Variants in BTBD9 observed in about 807,000 individuals in gnomAD.
BTBD9 encodes BTB domain containing 9.
A neutral mutation model predicts 64.3 loss-of-function variants in BTBD9; 49 were observed. The observed-to-expected ratio is 0.76, with a 90% CI of 0.61 to 0.97. The LOEUF (loss-of-function observed/expected upper bound fraction) is 0.97, where lower values mean the gene tolerates loss of function less well. Among genes scored for constraint, BTBD9 ranks in the 50% least tolerant of loss-of-function variants. The probability of loss-of-function intolerance (pLI) is 0.00; values close to 1 mark genes in which losing one functional copy is unlikely to be tolerated. For missense variants in BTBD9, 598 were observed against 762.1 expected (o/e 0.78, Z 2.53); for synonymous variants, 260 against 274.7 (o/e 0.95, Z 0.53).
At chr6:38,330,063 G>A (rs79397165) in intron 7 of BTBD9, among the ~76,000 whole-genome samples, 2 of 121,916 alleles carry the variant, frequency 1.6e-5, no homozygotes, top group African/African-American at 5.9e-5. Context: ...CTTTTTTTTT[G>A]TTTTATTTTG....
chr6:38,575,194 A>C (rs953163493), intron 6 of BTBD9, among the ~76,000 whole-genome samples: 4 of 152,188 alleles, frequency 2.6e-5, no homozygotes, highest in Non-Finnish European at 4.4e-5. Context: ...AGTCTCAAGG[A>C]ATATATGTAC....
intron 9 of BTBD9, among the ~76,000 whole-genome samples, chr6:38,218,536 T>A (rs1336424782): frequency 6.6e-6 from 1 of 152,226 alleles, no homozygotes; most frequent in East Asian, 1.9e-4. Context: ...TCCCCTGGGA[T>A]TTCTTATCCT....
intron 6 of BTBD9, among the ~76,000 whole-genome samples, chr6:38,366,113 T>C (rs1765175077): frequency 6.6e-6 from 1 of 152,178 alleles, no homozygotes; most frequent in Non-Finnish European, 1.5e-5. Context: ...AACTCAGAAT[T>C]AAAAGAAGAG....
In BTBD9 at chr6:38,288,401, C is replaced by T. The variant is rs1761828406; in HGVS notation, c.1325G>A (p.Arg442Gln). The T allele has an allele frequency of 5.6e-6, 9 of 1,613,932 alleles. No homozygotes were observed. Among genetic ancestry groups the T allele is most frequent in the South Asian group, 1.1e-5 (1 of 91,078 alleles). Reference protein sequence around the residue: ...DCASVIEGVSRSRNALLNGDT... With the variant: ...DCASVIEGVSQSRNALLNGDT... ...CCCATTCAGCAAGGCATTTCGGCTC[C>T]GACTGACTCCTTCAATCACACTGGC... is the stretch of plus-strand genomic sequence containing the variant. Residue 442 changes from arginine (R) to glutamine (Q), a missense_variant, in exon 8 of 11, where the codon CGG becomes CAG. By Grantham distance (43) the Arg-to-Gln change is conservative. Transcript: ENST00000481247.
At chr6:38,299,504 C>G (rs1762302037) in intron 7 of BTBD9, among the ~76,000 whole-genome samples, 1 of 152,232 alleles carries the variant, frequency 6.6e-6, no homozygotes, top group Non-Finnish European at 1.5e-5. Flanking sequence ...TTCTCCACAT[C>G]CTCTCCAGCA....
At chr6:38,277,182 A>G (rs1267192776) in intron 8 of BTBD9, among the ~76,000 whole-genome samples, 3 of 152,234 alleles carry the variant, frequency 2.0e-5, no homozygotes, top group African/African-American at 7.2e-5. Context: ...GACCAGTTAC[A>G]GAAAGCCAGT....
chr6:38,503,634 C>A (rs988538141), intron 6 of BTBD9, among the ~76,000 whole-genome samples: 2 of 152,132 alleles, frequency 1.3e-5, no homozygotes, highest in Non-Finnish European at 2.9e-5. Flanking sequence ...TCTAGCTCCA[C>A]CCACACCAGT....
rs193271269 is a variant in BTBD9 at position 38,343,507 on chromosome 6, C to T, written c.1264+1477G>A. 1.1e-3 allele frequency among the ~76,000 whole-genome samples: 172 copies of T among 152,146 alleles called. 2 individuals carry two copies. The highest frequency in any genetic ancestry group is 0.01 in the Middle Eastern group (3 of 294). Reference sequence around the variant, plus strand: ...AAGATCCTTCTCACTGAGGGCTCTCCTAACTACACAGTCAGATATACAGTG... The same window carrying T: ...AAGATCCTTCTCACTGAGGGCTCTCTTAACTACACAGTCAGATATACAGTG... On this transcript the variant is annotated intron_variant, in intron 7 of 10. Coordinates refer to ENST00000481247, the MANE Select transcript of BTBD9 (RefSeq NM_001099272.2).
At chr6:38,343,684 T>C (rs1764183236) in intron 7 of BTBD9, among the ~76,000 whole-genome samples, 1 of 152,138 alleles carries the variant, frequency 6.6e-6, no homozygotes, top group Non-Finnish European at 1.5e-5. Flanking sequence ...TACTTAAAAG[T>C]CACACAAATT....
At chr6:38,222,481 G>A (rs1057212676) in intron 9 of BTBD9, among the ~76,000 whole-genome samples, 5 of 151,822 alleles carry the variant, frequency 3.3e-5, no homozygotes, top group Admixed American at 6.6e-5. Context: ...GGATGGTCTC[G>A]ATCTCCTGAC....
chr6:38,189,327 G>A (rs376335186), intron 10 of BTBD9, among the ~76,000 whole-genome samples: 1 of 152,278 alleles, frequency 6.6e-6, no homozygotes, highest in East Asian at 1.9e-4. Flanking sequence ...CGTCCCTCAC[G>A]CCTCTGAACT....
intron 6 of BTBD9, among the ~76,000 whole-genome samples, chr6:38,551,194 A>G (rs1774788792): frequency 6.6e-6 from 1 of 152,322 alleles, no homozygotes; most frequent in East Asian, 1.9e-4. Flanking sequence ...ATGTTGTCCA[A>G]TCTGTACTTC....
At chr6:38,367,215 T>C (rs544334397) in intron 6 of BTBD9, among the ~76,000 whole-genome samples, 2 of 152,352 alleles carry the variant, frequency 1.3e-5, no homozygotes, top group East Asian at 1.9e-4. Flanking sequence ...ATAATTTACA[T>C]TAAAATAAAA....
intron 6 of BTBD9, among the ~76,000 whole-genome samples, chr6:38,558,598 T>C (rs1483773376): frequency 1.3e-5 from 2 of 152,210 alleles, no homozygotes; most frequent in African/African-American, 4.8e-5. Flanking sequence ...TTTTTTATCA[T>C]GAAGAGATGT....
At chr6:38,353,340 G>C (rs1764596909) in intron 6 of BTBD9, among the ~76,000 whole-genome samples, 1 of 150,600 alleles carries the variant, frequency 6.6e-6, no homozygotes, top group African/African-American at 2.4e-5. Context: ...AATTTTCAAG[G>C]GATTATAGAG....
chr6:38,303,509 A>T (rs1762489004), intron 7 of BTBD9, among the ~76,000 whole-genome samples: 1 of 152,058 alleles, frequency 6.6e-6, no homozygotes, highest in South Asian at 2.1e-4. Context: ...ACCTTTTATG[A>T]TTATGTTGAA....
At chr6:38,353,682 G>A (rs1764611158) in intron 6 of BTBD9, among the ~76,000 whole-genome samples, 4 of 152,152 alleles carry the variant, frequency 2.6e-5, no homozygotes, top group African/African-American at 9.7e-5. Flanking sequence ...TGGGGGTGGG[G>A]AAGAGAATTT....
rs182279616 is a variant in BTBD9 at position 38,217,244 on chromosome 6, G to A, written c.1563-24647C>T. ...TGAGGCAGGAGAATCGCTTGAACCC[G>A]GGAGGCAGAGGTTGCAGTGAGCCGA... On this transcript the variant is annotated intron_variant, in intron 9 of 10. Transcript: ENST00000481247. 6.1e-3 allele frequency among the ~76,000 whole-genome samples: 908 copies of A among 149,414 alleles called. 3 individuals are homozygous for A. Among genetic ancestry groups the A allele is most frequent in the Middle Eastern group, 0.014 (4 of 294 alleles).
chr6:38,283,734 T>C (rs1000341830), intron 8 of BTBD9, among the ~76,000 whole-genome samples: 4 of 152,084 alleles, frequency 2.6e-5, no homozygotes, highest in African/African-American at 9.7e-5. Context: ...GATTTCCAGA[T>C]CTCCTCCCTC....
Sources: gnomAD v4.1 joint callset for allele counts (sites outside exome capture counted in the v4.1 genomes callset) on GRCh38, gnomAD v4.1.1 for gene constraint, MANE v1.5 for transcripts, NCBI Gene and HGNC (gene_info 2026-07-23, HGNC 2026-07-21) for gene names.